The following WDR1 variants were observed in gnomAD, a reference collection of about 807,000 sequenced individuals.
WDR1 encodes the protein WD repeat domain 1.
In WDR1, 21 loss-of-function variants were observed where a neutral mutation model predicts 71.9. The ratio of observed to expected loss-of-function variants is 0.29; its 90% CI spans 0.21 to 0.42. The LOEUF (loss-of-function observed/expected upper bound fraction) is 0.42. Among genes scored for constraint, WDR1 ranks in the 10% least tolerant of loss-of-function variants. The probability of loss-of-function intolerance (pLI) is 1.00; values close to 1 mark genes in which losing one functional copy is unlikely to be tolerated. For synonymous variants in WDR1, 424 were observed against 347.4 expected (o/e 1.22, Z -2.45); for missense variants, 696 against 824.5 (o/e 0.84, Z 1.91).
chr4:10,081,249 A>T, intron 11 of WDR1, 108 bp downstream of exon 11: 1 of 1,050,308 alleles, frequency 9.5e-7, no homozygotes, highest in Non-Finnish European at 1.5e-6. Context: ...ATGAGCACTC[A>T]ACCAAAACAC....
intron 6 of WDR1, 136 bp from the exon 7 acceptor site, chr4:10,088,509 A>G: frequency 8.9e-7 from 1 of 1,124,196 alleles, no homozygotes; most frequent in African/African-American, 1.5e-5. Context: ...GCAGACATGC[A>G]TTTACTGGGC....
intron 3 of WDR1, among the ~76,000 whole-genome samples, chr4:10,102,665 C>G (rs1004499153): frequency 1.3e-5 from 2 of 152,224 alleles, no homozygotes; most frequent in African/African-American, 4.8e-5. Flanking sequence ...CAGAGTAAGA[C>G]AGAGCCGAAC....
At chr4:10,110,978 C>T (rs4459989) in intron 2 of WDR1, among the ~76,000 whole-genome samples, 22,762 of 152,256 alleles carry the variant, frequency 0.15, 2,089 homozygotes, top group Non-Finnish European at 0.21. Context: ...AAGACAGGGG[C>T]TTAGTGAACA....
At chr4:10,093,153 C>A in intron 5 of WDR1, 1 of 1,289,356 alleles carries the variant, frequency 7.8e-7, no homozygotes, top group South Asian at 1.2e-5. Flanking sequence ...GTCTCCAGCA[C>A]ACACATGCTC....
intron 2 of WDR1, 92 bp from the exon 3 acceptor site, chr4:10,104,078 G>A: frequency 7.5e-7 from 1 of 1,325,070 alleles, no homozygotes; most frequent in Admixed American, 2.0e-5. Flanking sequence ...TGAAAGGGGT[G>A]TACAAAGAAA....
intron 3 of WDR1, among the ~76,000 whole-genome samples, chr4:10,101,652 C>T (rs182752635): frequency 5.3e-5 from 8 of 152,310 alleles, no homozygotes; most frequent in Non-Finnish European, 8.8e-5. Context: ...CAACAGTCTC[C>T]GCAACAGCCT....
chr4:10,087,822 A>G lies in WDR1; in HGVS notation c.836T>C (p.Leu279Pro). The change falls in exon 8 of 15, where the codon CTG (leucine) becomes CCG (proline). Residue 279 changes from leucine (L) to proline (P), a missense_variant. Leu to Pro is a moderately conservative substitution (Grantham distance 98). Transcript: ENST00000499869. The part of the protein sequence containing the change: ...VSTFPMGSTV[L>P]DQQLGCLWQK... ...CCATAGGCAGCCCAGCTGCTGGTCC[A>G]GAACCGTGGAGCCCATGGGAAATGT... 1 of 1,585,698 alleles carries G rather than the reference A, an allele frequency of 6.3e-7. No homozygotes were observed. Among genetic ancestry groups the G allele is most frequent in the Non-Finnish European group, 8.6e-7 (1 of 1,165,348 alleles).
intron 2 of WDR1, among the ~76,000 whole-genome samples, chr4:10,107,650 T>A (rs1713101992): frequency 6.6e-6 from 1 of 152,104 alleles, no homozygotes; most frequent in South Asian, 2.1e-4. Context: ...CCTCCACACC[T>A]GGGGGCTAGG....
rs761977748 is a variant in WDR1, at chr4:10,084,551, G to A, written c.952-21C>T. On this transcript the variant is annotated intron_variant, in intron 8 of 14. Transcript: ENST00000499869. ...TGACCCTGTGAAGGAGACACACTGG[G>A]CGGGTAAGCTGATGACACACTGCCC... 17 of 1,612,030 alleles carry A rather than the reference G, an allele frequency of 1.1e-5. No homozygotes were observed. In the Middle Eastern group the frequency reaches 1.3e-3, roughly 125 times the overall value.
intron 4 of WDR1, among the ~76,000 whole-genome samples, chr4:10,098,789 C>G (rs1433846563): frequency 6.6e-6 from 1 of 152,232 alleles, no homozygotes; most frequent in East Asian, 1.9e-4. Context: ...GTGCTGGGCC[C>G]TGGTGACAAA....
At chr4:10,097,915 AGAC>A (rs760635049) in intron 4 of WDR1, 24 bp from the exon 5 acceptor site, 44 of 1,414,558 alleles carry the variant, frequency 3.1e-5, no homozygotes, top group Middle Eastern at 1.9e-4. Flanking sequence ...CACAGGTGGA[AGAC>A]AAAAAAAAAA....
chr4:10,116,288 G>A (rs1319481544), intron 1 of WDR1, 54 bp from the exon 2 acceptor site: 15 of 1,609,682 alleles, frequency 9.3e-6, no homozygotes, highest in Middle Eastern at 3.3e-4. Flanking sequence ...GGACGGCGGG[G>A]ACAGAAGGGA....
intron 3 of WDR1, among the ~76,000 whole-genome samples, chr4:10,100,981 C>A (rs972326546): frequency 6.6e-6 from 1 of 152,268 alleles, no homozygotes. Flanking sequence ...GCTCTCAGGA[C>A]AAGGCAGAGG....
intron 5 of WDR1, 114 bp from the exon 6 acceptor site, chr4:10,088,855 T>C (rs1018577089): frequency 8.5e-6 from 7 of 820,120 alleles, no homozygotes; most frequent in African/African-American, 6.8e-5. Flanking sequence ...TGTGAACTGT[T>C]AGTCCACTGG....
intron 2 of WDR1, among the ~76,000 whole-genome samples, chr4:10,112,760 C>T (rs1458305669): frequency 6.6e-6 from 1 of 152,236 alleles, no homozygotes; most frequent in Non-Finnish European, 1.5e-5. Flanking sequence ...CTTCACGACA[C>T]AGCCTGGTTT....
chr4:10,088,851 C>A (rs1711776782), intron 5 of WDR1, 110 bp from the exon 6 acceptor site: 1 of 847,322 alleles, frequency 1.2e-6, no homozygotes, highest in Non-Finnish European at 1.9e-6. Context: ...TCAGTGTGAA[C>A]TGTTAGTCCA....
intron 10 of WDR1, among the ~76,000 whole-genome samples, chr4:10,081,898 A>G (rs1015584182): frequency 5.9e-5 from 9 of 152,196 alleles, no homozygotes; most frequent in African/African-American, 2.2e-4. Flanking sequence ...AGCCTTGGCC[A>G]ATGCTATCAA....
chr4:10,081,701 C>T (rs60537521), intron 10 of WDR1, among the ~76,000 whole-genome samples: 120 of 145,864 alleles, frequency 8.2e-4, no homozygotes, highest in African/African-American at 2.6e-3. Context: ...CGGTGAAAGG[C>T]GTTGATTATG....
intron 9 of WDR1, among the ~76,000 whole-genome samples, 186 bp downstream of exon 9, chr4:10,084,257 C>G (rs1765124002): frequency 6.6e-6 from 1 of 152,152 alleles, no homozygotes; most frequent in Admixed American, 6.5e-5. Flanking sequence ...AAGGACAACT[C>G]CAGGGGACAG....
Sources: gnomAD v4.1 joint callset for allele counts (sites outside exome capture counted in the v4.1 genomes callset) on GRCh38, gnomAD v4.1.1 for gene constraint, MANE v1.5 for transcripts, NCBI Gene and HGNC (gene_info 2026-07-23, HGNC 2026-07-21) for gene names.